NAA15: variants seen among roughly 807,000 people sequenced by gnomAD.
NAA15 encodes N-terminal acetyltransferase.
A neutral mutation model predicts 114.0 loss-of-function variants in NAA15; 34 were observed. The observed-to-expected ratio is 0.30, with a 90% confidence interval of 0.23 to 0.40. The LOEUF (loss-of-function observed/expected upper bound fraction) is 0.40, where lower values mean the gene tolerates loss of function less well. NAA15 is among the 10% of genes least tolerant of loss of function. NAA15 has a pLI of 1.00. For missense variants in NAA15, 658 were observed against 1,004.5 expected, an observed-to-expected ratio of 0.66 and a Z score of 4.66; for synonymous variants, 340 against 338.0, an observed-to-expected ratio of 1.01 and a Z score of -0.06.
intron 1 of NAA15, among the ~76,000 whole-genome samples, chr4:139,308,189 CT>C (rs2060260948): frequency 6.6e-6 from 1 of 152,098 alleles, no homozygotes; most frequent in South Asian, 2.1e-4. Context: ...TCTCGATCTC[CT>C]GACCTCCTGA....
intron 1 of NAA15, among the ~76,000 whole-genome samples, chr4:139,306,603 TTTTTGTTTTG>T (rs956336361): frequency 2.9e-4 from 43 of 148,560 alleles, no homozygotes; most frequent in African/African-American, 4.2e-4. Flanking sequence ...TCTGGTTTTT[TTTTTGTTTTG>T]TTTTGTTTTG....
In NAA15 at chr4:139,388,388, G is replaced by T; in HGVS notation, c.*304G>T. 1 of 204,674 alleles carries T rather than the reference G, an allele frequency of 4.9e-6. No homozygotes were observed. Among genetic ancestry groups the T allele is most frequent in the Non-Finnish European group, 9.9e-6 (1 of 100,816 alleles). 12.7% of individuals were successfully genotyped at this position (204,674 alleles called of 1,614,324 possible). A position where few individuals can be genotyped will look rare whatever the true frequency, so the allele number is the denominator to read the frequency against. ...AAACTAATTTATATAAAATCTGGAG[G>T]CTGTTACAGCTAACAAAGCAGGTGT... On this transcript the variant is annotated 3_prime_UTR_variant, in exon 20 of 20. Transcript: ENST00000296543.
chr4:139,375,930 A>G (rs984651038), intron 15 of NAA15, among the ~76,000 whole-genome samples: 4 of 152,134 alleles, frequency 2.6e-5, no homozygotes, highest in African/African-American at 4.8e-5. Flanking sequence ...GACAGAATGG[A>G]TAGTGTAGTA....
intron 1 of NAA15, among the ~76,000 whole-genome samples, chr4:139,315,031 G>GTTTAGT (rs1746353843): frequency 2.2e-5 from 1 of 46,140 alleles, no homozygotes; most frequent in African/African-American, 7.6e-5. Context: ...GTTAGGTTAG[G>GTTTAGT]TTAGGTTAGG....
At chr4:139,324,141 C>A (rs546083794) in intron 1 of NAA15, among the ~76,000 whole-genome samples, 4 of 152,294 alleles carry the variant, frequency 2.6e-5, no homozygotes, top group Non-Finnish European at 5.9e-5. Context: ...CTCCACCTCC[C>A]AAAGTGCTGC....
rs199806707 is a variant in NAA15, at chr4:139,370,242, A to T, written c.1785A>T (p.Leu595=). The change falls in exon 15 of 20, where the codon CTA becomes CTT. Residue 595 remains leucine, a synonymous_variant. Transcript: ENST00000296543. ...ANMSDKELKK[L]RNKQRRAQKK... ...TGTCTGACAAAGAGCTAAAGAAGCTACGTAATAAACAAAGAAGAGCTCAAA... is the reference window on the plus strand; with the variant it reads ...TGTCTGACAAAGAGCTAAAGAAGCTTCGTAATAAACAAAGAAGAGCTCAAA... 1.3e-3 allele frequency: 2,054 copies of T among 1,559,942 alleles called. 15 individuals carry two copies. In the Middle Eastern group the frequency reaches 0.016, roughly 12 times the overall value.
intron 1 of NAA15, among the ~76,000 whole-genome samples, chr4:139,332,369 T>A (rs1747042749): frequency 6.6e-6 from 1 of 151,608 alleles, no homozygotes. Flanking sequence ...GACCTCGTGA[T>A]CTGCCCGCCT....
At chr4:139,378,403 T>A (rs1275037956) in intron 16 of NAA15, among the ~76,000 whole-genome samples, 1 of 152,156 alleles carries the variant, frequency 6.6e-6, no homozygotes, top group African/African-American at 2.4e-5. Flanking sequence ...AAGAATACCT[T>A]CAAATATACA....
At chr4:139,334,366 A>G in intron 2 of NAA15, 108 bp downstream of exon 2, 2 of 579,138 alleles carry the variant, frequency 3.5e-6, no homozygotes, top group South Asian at 3.8e-5. Flanking sequence ...AGACCCTCTC[A>G]TCTTTGACTT....
intron 15 of NAA15, among the ~76,000 whole-genome samples, chr4:139,371,987 C>T (rs1404302918): frequency 1.3e-5 from 2 of 151,582 alleles, no homozygotes; most frequent in Non-Finnish European, 2.9e-5. Flanking sequence ...GCGATCTCGG[C>T]TCACTGCAAG....
chr4:139,349,724 C>A, intron 7 of NAA15, 143 bp downstream of exon 7: 1 of 752,816 alleles, frequency 1.3e-6, no homozygotes, highest in African/African-American at 1.9e-5. Flanking sequence ...GTGGCTCGTG[C>A]CTGTAATCCC....
chr4:139,359,748 T>A lies in NAA15; in HGVS notation c.1263T>A (p.Ala421=), dbSNP rs764901743. The change falls in exon 12 of 20, where the codon GCT becomes GCA. Residue 421 remains alanine, a synonymous_variant. Coordinates refer to ENST00000296543, the MANE Select transcript of NAA15 (RefSeq NM_057175.5). The part of the protein sequence containing the change: ...FLVKAKIYKH[A]GNIKEAARWM... The stretch of plus-strand genomic sequence containing the variant: ...TTGCTTTTGTACCTTATAAGCATGC[T>A]GGAAATATTAAAGAAGCTGCAAGGT... 1 of 1,601,086 alleles carries A rather than the reference T, an allele frequency of 6.2e-7. No individual in the cohort carries two copies. Among genetic ancestry groups the A allele is most frequent in the South Asian group, 1.1e-5 (1 of 87,786 alleles).
chr4:139,344,884 T>C (rs1048704628), intron 6 of NAA15, among the ~76,000 whole-genome samples: 5 of 152,144 alleles, frequency 3.3e-5, no homozygotes, highest in Non-Finnish European at 7.3e-5. Context: ...AATATGTAGA[T>C]TGTGATAGGA....
intron 1 of NAA15, among the ~76,000 whole-genome samples, chr4:139,305,743 A>G (rs1287470183): frequency 6.6e-6 from 1 of 152,096 alleles, no homozygotes; most frequent in Non-Finnish European, 1.5e-5. Context: ...CATGTTGTTC[A>G]GGCTCGTCTC....
At chr4:139,356,706 T>C (rs1747962411) in intron 10 of NAA15, 1 of 152,176 alleles carries the variant, frequency 6.6e-6, no homozygotes, top group Non-Finnish European at 1.5e-5. Context: ...TAGAAATTTG[T>C]ATTAAAAAAG....
rs762416342 is a variant in NAA15 at position 139,389,703 on chromosome 4, G to A, written c.*1619G>A. 6.5e-6 allele frequency: 1 copy of A among 152,690 alleles called. No individual in the cohort carries two copies. The highest frequency in any genetic ancestry group is 1.5e-5 in the Non-Finnish European group (1 of 68,018). 9.5% of individuals were successfully genotyped at this position (152,690 alleles called of 1,614,324 possible). A position where few individuals can be genotyped will look rare whatever the true frequency, so the allele number is the denominator to read the frequency against. On this transcript the variant is annotated 3_prime_UTR_variant, in exon 20 of 20. Transcript: ENST00000296543. ...TAAGATTAAGTAAAACAAATCAATT[G>A]TATATATAATTGACCTTTTTGTGGA...
intron 6 of NAA15, among the ~76,000 whole-genome samples, chr4:139,346,127 C>A (rs1298192780): frequency 6.6e-6 from 1 of 152,028 alleles, no homozygotes; most frequent in African/African-American, 2.4e-5. Flanking sequence ...ATATTTGATA[C>A]AGTAGAGAGA....
intron 11 of NAA15, among the ~76,000 whole-genome samples, chr4:139,357,856 A>G (rs149878786): frequency 6.8e-4 from 103 of 152,310 alleles, no homozygotes; most frequent in Middle Eastern, 3.4e-3. Context: ...TCCAAAAGAA[A>G]TTTTATTTGC....
chr4:139,367,631 T>G (rs973181073), intron 14 of NAA15, among the ~76,000 whole-genome samples: 2 of 152,180 alleles, frequency 1.3e-5, no homozygotes, highest in African/African-American at 4.8e-5. Flanking sequence ...TAGAGAGCCT[T>G]TCTTCAGACT....
Sources: allele counts gnomAD v4.1 joint callset (sites outside exome capture counted in the v4.1 genomes callset), GRCh38; gene constraint gnomAD v4.1.1; transcripts MANE v1.5; gene names NCBI Gene and HGNC (gene_info 2026-07-23, HGNC 2026-07-21).